LSAMP: variants seen among roughly 807,000 people sequenced by gnomAD.
The protein encoded by LSAMP is limbic system-associated membrane protein.
In LSAMP, 7 loss-of-function variants were observed where a neutral mutation model predicts 38.6. The observed-to-expected ratio is 0.18, with a 90% CI of 0.10 to 0.34. The LOEUF is 0.34. LSAMP is among the 10% of genes least tolerant of loss of function. The pLI is 1.00. For synonymous variants in LSAMP, 154 were observed against 166.8 expected (o/e 0.92, Z 0.59); for missense variants, 313 against 420.0 (o/e 0.75, Z 2.23).
intron 3 of LSAMP, among the ~76,000 whole-genome samples, chr3:115,941,969 A>G (rs1024671615): frequency 6.6e-6 from 1 of 152,256 alleles, no homozygotes; most frequent in Middle Eastern, 3.4e-3. Context: ...TACCTTGAAT[A>G]TGTATAATCT....
intron 1 of LSAMP, among the ~76,000 whole-genome samples, chr3:116,248,520 T>C (rs1298633057): frequency 6.6e-6 from 1 of 151,414 alleles, no homozygotes; most frequent in Non-Finnish European, 1.5e-5. Flanking sequence ...TGTGTGTGTG[T>C]GTGTGTGTGT....
chr3:116,141,700 C>G (rs1709374258), intron 1 of LSAMP, among the ~76,000 whole-genome samples: 2 of 151,896 alleles, frequency 1.3e-5, no homozygotes, highest in South Asian at 4.1e-4. Flanking sequence ...TAAGAAATCA[C>G]ACTATTTTTC....
Position 115,807,543 on chromosome 3 carries a change from A to G in LSAMP, c.*2774T>C, listed in dbSNP as rs1156426821. On this transcript the variant is annotated 3_prime_UTR_variant, in exon 7 of 7. Transcript: ENST00000490035. The stretch of plus-strand genomic sequence containing the variant: ...TCATGATAAAGTGGAGACAATAAGA[A>G]AGCCAGGTATATAATTAAGGCCTGT... 2 of 152,218 alleles carry G rather than the reference A, an allele frequency of 1.3e-5. No homozygotes were observed. Among genetic ancestry groups the G allele is most frequent in the Non-Finnish European group, 2.9e-5 (2 of 68,044 alleles). The allele number at this position is 152,218 out of a possible 1,614,324, so 9.4% of individuals were successfully genotyped here. A position where few individuals can be genotyped will look rare whatever the true frequency, so the allele number is the denominator to read the frequency against.
chr3:116,175,870 TAA>T (rs1710326601), intron 1 of LSAMP, among the ~76,000 whole-genome samples: 1 of 152,114 alleles, frequency 6.6e-6, no homozygotes, highest in Non-Finnish European at 1.5e-5. Context: ...ATGGTTATAG[TAA>T]ATCCAATGAA....
chr3:116,261,249 T>A (rs1438093294), intron 1 of LSAMP, among the ~76,000 whole-genome samples: 2 of 152,218 alleles, frequency 1.3e-5, no homozygotes, highest in Non-Finnish European at 2.9e-5. Flanking sequence ...ATTTTTGTTG[T>A]TGGTTTCTTC....
intron 3 of LSAMP, among the ~76,000 whole-genome samples, chr3:116,011,915 T>TC (rs1346376221): frequency 3.9e-5 from 6 of 152,082 alleles, no homozygotes; most frequent in South Asian, 2.1e-4. Flanking sequence ...CCTGAGATTG[T>TC]CCCCCTTGGC....
At chr3:115,876,495 G>A (rs1481391506) in intron 3 of LSAMP, among the ~76,000 whole-genome samples, 1 of 151,930 alleles carries the variant, frequency 6.6e-6, no homozygotes, top group Admixed American at 6.6e-5. Flanking sequence ...CTGCCACTGA[G>A]TACGAGGTTA....
chr3:115,827,024 C>T (rs563309991), intron 6 of LSAMP, among the ~76,000 whole-genome samples: 4 of 144,138 alleles, frequency 2.8e-5, no homozygotes, highest in Non-Finnish European at 6.0e-5. Flanking sequence ...TACCTGTGTT[C>T]TGGAACTTCA....
chr3:116,252,435 T>G (rs955660144), intron 1 of LSAMP, among the ~76,000 whole-genome samples: 7 of 152,194 alleles, frequency 4.6e-5, no homozygotes, highest in Non-Finnish European at 1.0e-4. Context: ...AGGTGGCCTG[T>G]GACCTGCAAG....
chr3:116,210,670 C>G (rs1463212798), intron 1 of LSAMP, among the ~76,000 whole-genome samples: 3 of 152,160 alleles, frequency 2.0e-5, no homozygotes, highest in African/African-American at 4.8e-5. Flanking sequence ...CTAATAAACT[C>G]CCCTTCATAT....
At chr3:116,258,461 T>C (rs1032679098) in intron 1 of LSAMP, among the ~76,000 whole-genome samples, 1 of 152,022 alleles carries the variant, frequency 6.6e-6, no homozygotes, top group Non-Finnish European at 1.5e-5. Context: ...AAACCCGTAA[T>C]CTTTAAAGTA....
intron 3 of LSAMP, among the ~76,000 whole-genome samples, chr3:115,947,587 G>T (rs1303027719): frequency 6.6e-6 from 1 of 152,186 alleles, no homozygotes; most frequent in Admixed American, 6.5e-5. Flanking sequence ...GACATGGGTT[G>T]TAGTAACACC....
chr3:115,962,139 G>A (rs1938647207), intron 3 of LSAMP, among the ~76,000 whole-genome samples: 1 of 152,160 alleles, frequency 6.6e-6, no homozygotes, highest in Non-Finnish European at 1.5e-5. Context: ...CAACTGCACA[G>A]CTGACGTTTG....
intron 6 of LSAMP, among the ~76,000 whole-genome samples, chr3:115,828,346 T>G (rs972242851): frequency 6.7e-6 from 1 of 148,338 alleles, no homozygotes; most frequent in Non-Finnish European, 1.5e-5. Flanking sequence ...TTGTTTTTTG[T>G]TTGTTTGTTT....
intron 1 of LSAMP, among the ~76,000 whole-genome samples, chr3:116,439,166 G>C (rs778758922): frequency 6.6e-6 from 1 of 152,168 alleles, no homozygotes; most frequent in Non-Finnish European, 1.5e-5. Context: ...GTATTTTTTA[G>C]AAGTTCCCCA....
intron 3 of LSAMP, among the ~76,000 whole-genome samples, chr3:115,871,957 A>G (rs971258403): frequency 2.6e-5 from 4 of 152,126 alleles, no homozygotes; most frequent in Admixed American, 6.6e-5. Context: ...AACAGCTTAG[A>G]ACAAGTGTAC....
In LSAMP at chr3:116,260,604, A is replaced by G. The variant is rs193293605; in HGVS notation, c.156-174048T>C. Among the ~76,000 whole-genome samples the G allele has an allele frequency of 1.1e-3, 166 of 152,282 alleles. 1 individual carries two copies. Among genetic ancestry groups the G allele is most frequent in the African/African-American group, 3.8e-3 (156 of 41,560 alleles). On this transcript the variant is annotated intron_variant, in intron 1 of 6. Coordinates refer to ENST00000490035, the MANE Select transcript of LSAMP (RefSeq NM_002338.5). ...AATCTTCTAGGGCTTTAGTAACTGC[A>G]CTTGGACACCTTCTAAGAGTGCTGG...
chr3:116,210,516 C>G (rs1004031608), intron 1 of LSAMP, among the ~76,000 whole-genome samples: 1 of 152,180 alleles, frequency 6.6e-6, no homozygotes, highest in Non-Finnish European at 1.5e-5. Context: ...GCCAGGAGCT[C>G]TCGGGCCTTT....
intron 2 of LSAMP, among the ~76,000 whole-genome samples, chr3:116,068,686 A>C (rs1218914909): frequency 6.6e-6 from 1 of 152,188 alleles, no homozygotes; most frequent in Non-Finnish European, 1.5e-5. Context: ...ATAAAGACTA[A>C]GATTTTCATC....
Sources: allele counts gnomAD v4.1 joint callset (sites outside exome capture counted in the v4.1 genomes callset), GRCh38; gene constraint gnomAD v4.1.1; transcripts MANE v1.5; gene names NCBI Gene and HGNC (gene_info 2026-07-23, HGNC 2026-07-21).